SDK2: variants seen among roughly 807,000 people sequenced by gnomAD.
SDK2 encodes the protein protein sidekick-2.
SDK2 carries 105 observed loss-of-function variants against 253.9 expected under a neutral mutation model. That is an observed-to-expected ratio of 0.41 (90% CI 0.35 to 0.49). The LOEUF (loss-of-function observed/expected upper bound fraction) is 0.49. Among genes scored for constraint, SDK2 ranks in the 20% least tolerant of loss-of-function variants. The probability of loss-of-function intolerance (pLI) is 0.06; values close to 1 mark genes in which losing one functional copy is unlikely to be tolerated. For synonymous variants in SDK2, 1,249 were observed against 1,234.9 expected, an observed-to-expected ratio of 1.01 and a Z score of -0.24; for missense variants, 2,608 against 3,003.0, an observed-to-expected ratio of 0.87 and a Z score of 3.07.
intron 2 of SDK2, among the ~76,000 whole-genome samples, chr17:73,497,919 C>T (rs1393169278): frequency 2.0e-5 from 3 of 152,164 alleles, no homozygotes; most frequent in African/African-American, 7.2e-5. Context: ...TCAGATCCTC[C>T]AGACACAAGG....
At chr17:73,634,869 C>G (rs1376209084) in intron 1 of SDK2, among the ~76,000 whole-genome samples, 1 of 152,172 alleles carries the variant, frequency 6.6e-6, no homozygotes, top group East Asian at 1.9e-4. Flanking sequence ...CAACTGTTAT[C>G]CTCGTTTTAC....
Position 73,643,957 on chromosome 17 carries a change from T to TGCCCCCCCCCCCCCCCCCCCC in SDK2, c.64+67_64+68insGGGGGGGGGGGGGGGGGGGGC. On this transcript the variant is annotated intron_variant, in intron 1 of 44. Transcript: ENST00000392650. This position sits in a 1 kb window ranked among gnomAD's most constrained non-coding sequence, Gnocchi z 6.9. The stretch of plus-strand genomic sequence containing the variant: ...GGAGGTCACCGTGAGGCCGGCCAGC[T>TGCCCCCCCCCCCCCCCCCCCC]CCCGCCGCCCCTCCCCCGCCCACTC... 4.6e-5 allele frequency: 47 copies of TGCCCCCCCCCCCCCCCCCCCC among 1,019,932 alleles called. No individual in the cohort carries two copies. Among genetic ancestry groups the TGCCCCCCCCCCCCCCCCCCCC allele is most frequent in the Middle Eastern group, 6.2e-4 (2 of 3,210 alleles). The allele number at this position is 1,019,932 out of a possible 1,614,324, so 63.2% of individuals were successfully genotyped here. A position where few individuals can be genotyped will look rare whatever the true frequency, so the allele number is the denominator to read the frequency against.
At chr17:73,412,033 TACGTATATATATGTATATAC>T (rs2063135666) in intron 18 of SDK2, among the ~76,000 whole-genome samples, 2 of 8,700 alleles carry the variant, frequency 2.3e-4, no homozygotes, top group African/African-American at 4.4e-4. Flanking sequence ...TATGTATATA[TACGTATATATATGTATATAC>T]GTATATGTAT....
rs535303359 is a variant in SDK2 at position 73,546,972 on chromosome 17, C to T, written c.65-39375G>A. On this transcript the variant is annotated intron_variant, in intron 1 of 44. Transcript: ENST00000392650. ...TTAGCCACGTCCTTGTGCTGTCCTG[C>T]CGTGACACTGGGAAAGCCGGACTTG... Among the ~76,000 whole-genome samples, 4 of 152,322 alleles carry T rather than the reference C, an allele frequency of 2.6e-5. No homozygotes were observed. In the South Asian group the frequency reaches 8.3e-4, roughly 32 times the overall value.
chr17:73,376,318 C>A (rs1376037382), intron 36 of SDK2, among the ~76,000 whole-genome samples: 1 of 132,288 alleles, frequency 7.6e-6, no homozygotes, highest in Non-Finnish European at 1.6e-5. Context: ...AACATCTAAG[C>A]TCACAATGCT....
chr17:73,405,517 T>TATAAAAAA (rs750250733), intron 18 of SDK2, among the ~76,000 whole-genome samples: 1 of 66,180 alleles, frequency 1.5e-5, no homozygotes, highest in Non-Finnish European at 2.7e-5. Flanking sequence ...TATATATATA[T>TATAAAAAA]AAAGATCGAG....
At position 73,361,670 on chromosome 17, in the gene SDK2, C is replaced by G. The variant is rs375308250; in HGVS notation, c.5467+14G>C. 1 of 1,606,758 alleles carries G rather than the reference C, an allele frequency of 6.2e-7. No individual in the cohort carries two copies. Among genetic ancestry groups the G allele is most frequent in the Non-Finnish European group, 8.5e-7 (1 of 1,174,050 alleles). ...CGCCGTGTGGAAGACATGCCTGGTCCGTTGCTCTCCTACCTTCTCCGGGGC... is the reference window on the plus strand; with the variant it reads ...CGCCGTGTGGAAGACATGCCTGGTCGGTTGCTCTCCTACCTTCTCCGGGGC... On this transcript the variant is annotated intron_variant, in intron 39 of 44. Coordinates refer to ENST00000392650, the MANE Select transcript of SDK2 (RefSeq NM_001144952.2). This position sits in a 1 kb window ranked among gnomAD's most constrained non-coding sequence, Gnocchi z 4.1.
chr17:73,621,306 C>G (rs2046130010), intron 1 of SDK2, among the ~76,000 whole-genome samples: 1 of 152,120 alleles, frequency 6.6e-6, no homozygotes, highest in Non-Finnish European at 1.5e-5. Flanking sequence ...TTAGTTCCCC[C>G]TAAAACAAAA....
In SDK2 at chr17:73,541,769, T is replaced by TA. The variant is rs1312592687; in HGVS notation, c.65-34173dup. Reference sequence around the variant, plus strand: ...TGACAGGAATGTGCAGACGTTGAATTAAAAGCAGCTTGGCACAAACAGAAT... The same window carrying TA: ...TGACAGGAATGTGCAGACGTTGAATTAAAAAGCAGCTTGGCACAAACAGAAT... On this transcript the variant is annotated intron_variant, in intron 1 of 44. Coordinates refer to ENST00000392650, the MANE Select transcript of SDK2 (RefSeq NM_001144952.2). The surrounding 1 kb of genome is among the most constrained non-coding windows in gnomAD (Gnocchi z 4.3). 3.3e-5 allele frequency among the ~76,000 whole-genome samples: 5 copies of TA among 152,078 alleles called. No individual in the cohort carries two copies. The highest frequency in any genetic ancestry group is 4.8e-5 in the African/African-American group (2 of 41,382).
chr17:73,401,043 G>C lies in SDK2; in HGVS notation c.2948C>G (p.Thr983Ser). The C allele has an allele frequency of 6.3e-7, 1 of 1,577,442 alleles. No individual in the cohort carries two copies. The highest frequency in any genetic ancestry group is 8.6e-7 in the Non-Finnish European group (1 of 1,161,462). ...ACCTGGGGGCACCCCAGAGGAGATG[G>C]TGGAGGCGGACACTTGGCCCTGGCC... The part of the protein sequence containing the change: ...SKGQGQVSAS[T>S]ISSGVPPELP... Residue 983 changes from threonine to serine, a missense_variant, in exon 21 of 45, where the codon ACC (threonine) becomes AGC (serine). Transcript: ENST00000392650.
chr17:73,387,211 C>T (rs767249759), intron 30 of SDK2, among the ~76,000 whole-genome samples: 13 of 152,232 alleles, frequency 8.5e-5, no homozygotes, highest in African/African-American at 1.2e-4. Context: ...CCTCCCGCCT[C>T]GGCCTCCCAA....
intron 44 of SDK2, 45 bp downstream of exon 44, chr17:73,348,554 G>A (rs1365979745): frequency 6.9e-6 from 11 of 1,599,134 alleles, no homozygotes; most frequent in Admixed American, 1.7e-5. Flanking sequence ...TCTGGGAGGC[G>A]CTGCTCCCTG....
intron 18 of SDK2, among the ~76,000 whole-genome samples, chr17:73,404,489 C>T (rs895127733): frequency 2.0e-5 from 3 of 152,160 alleles, no homozygotes; most frequent in Non-Finnish European, 4.4e-5. Flanking sequence ...CTTATTTAAT[C>T]ATCACGATGA....
chr17:73,352,557 G>C lies in SDK2; in HGVS notation c.5674C>G (p.Pro1892Ala). The C allele has an allele frequency of 6.2e-7, 1 of 1,614,070 alleles. No individual in the cohort carries two copies. Among genetic ancestry groups the C allele is most frequent in the Non-Finnish European group, 8.5e-7 (1 of 1,179,906 alleles). The change falls in exon 41 of 45, where the codon CCG (proline) becomes GCG (alanine). Residue 1892 changes from proline to alanine, a missense_variant. Coordinates refer to ENST00000392650, the MANE Select transcript of SDK2 (RefSeq NM_001144952.2). This position sits in a 1 kb window ranked among gnomAD's most constrained non-coding sequence, Gnocchi z 4.1. ...ACCCGGAAGTCATAGCTCACGCCCG[G>C]CTTCAGGATGTCCATGCTGAACGTG... is the stretch of plus-strand genomic sequence containing the variant. ...SYTFSMDILK[P>A]GVSYDFRVIA...
intron 36 of SDK2, among the ~76,000 whole-genome samples, chr17:73,376,346 T>A (rs534258338): frequency 1.3e-5 from 2 of 152,298 alleles, no homozygotes; most frequent in East Asian, 3.9e-4. Context: ...CAATAACTGC[T>A]CAATAAACAC....
intron 2 of SDK2, among the ~76,000 whole-genome samples, chr17:73,492,831 G>C (rs1224006696): frequency 1.3e-5 from 2 of 152,090 alleles, no homozygotes; most frequent in Non-Finnish European, 2.9e-5. Context: ...GGGCGGGGAG[G>C]GGAGTCAGGC....
At chr17:73,411,099 T>C (rs2063122303) in intron 18 of SDK2, among the ~76,000 whole-genome samples, 1 of 152,026 alleles carries the variant, frequency 6.6e-6, no homozygotes, top group Non-Finnish European at 1.5e-5. Context: ...TAGGAGAGTT[T>C]TCCGGCAGCG....
intron 41 of SDK2, among the ~76,000 whole-genome samples, chr17:73,351,225 T>C (rs2062535687): frequency 6.6e-6 from 1 of 151,954 alleles, no homozygotes; most frequent in South Asian, 2.1e-4. Flanking sequence ...TTCTCCTGCC[T>C]CAGCCTTCCA....
chr17:73,607,442 G>A (rs866349264), intron 1 of SDK2, among the ~76,000 whole-genome samples: 4 of 152,140 alleles, frequency 2.6e-5, no homozygotes, highest in Admixed American at 1.3e-4. Flanking sequence ...CCGGGCATTT[G>A]GGATCTACCG....
Sources: gnomAD v4.1 joint callset for allele counts (sites outside exome capture counted in the v4.1 genomes callset) on GRCh38, gnomAD v4.1.1 for gene constraint, Gnocchi (gnomAD v3.1) non-coding constraint, MANE v1.5 for transcripts, NCBI Gene and HGNC (gene_info 2026-07-23, HGNC 2026-07-21) for gene names.